Variants in MYO5B observed in about 807,000 individuals in gnomAD.
The protein encoded by MYO5B is unconventional myosin-Vb.
Under a neutral mutation model 229.3 loss-of-function variants are expected in MYO5B, and 143 were observed. That is an observed-to-expected ratio of 0.62 (90% CI 0.54 to 0.72). The LOEUF (loss-of-function observed/expected upper bound fraction) is 0.72. Among genes scored for constraint, MYO5B ranks in the 30% least tolerant of loss-of-function variants. The pLI is 0.00. For synonymous variants in MYO5B, 918 were observed against 885.2 expected (o/e 1.04, Z -0.66); for missense variants, 2,321 against 2,331.0 (o/e 1.00, Z 0.09).
At chr18:49,841,095 CTA>C (rs1381971531) in intron 35 of MYO5B, among the ~76,000 whole-genome samples, 1 of 152,182 alleles carries the variant, frequency 6.6e-6, no homozygotes, top group African/African-American at 2.4e-5. Context: ...CCCAGGGCCT[CTA>C]TTGATCATGG....
At chr18:50,074,201 G>A (rs1020350907) in intron 1 of MYO5B, among the ~76,000 whole-genome samples, 2 of 152,126 alleles carry the variant, frequency 1.3e-5, no homozygotes, top group African/African-American at 2.4e-5. Context: ...ACCTTGATAC[G>A]CCCATCAGAT....
At chr18:50,046,268 A>G (rs1242483117) in intron 2 of MYO5B, among the ~76,000 whole-genome samples, 2 of 152,182 alleles carry the variant, frequency 1.3e-5, no homozygotes, top group Non-Finnish European at 2.9e-5. Flanking sequence ...AGCTTTTAAG[A>G]AAGATAACCT....
At chr18:49,937,499 C>G in intron 14 of MYO5B, 102 bp from the exon 15 acceptor site, 1 of 1,394,614 alleles carries the variant, frequency 7.2e-7, no homozygotes, top group Non-Finnish European at 9.9e-7. Context: ...ACGGAAAACA[C>G]ACATCCACGC....
rs191104667 is a variant in MYO5B at position 50,184,978 on chromosome 18, G to A, written c.27+9789C>T. On this transcript the variant is annotated intron_variant, in intron 1 of 39. Coordinates refer to ENST00000285039, the MANE Select transcript of MYO5B (RefSeq NM_001080467.3). ...TGTTCCCAGCTACTTGGGAGGCTGA[G>A]GTGGGAGGATTGCTTGAGCCTAGGA... Among the ~76,000 whole-genome samples the A allele has an allele frequency of 2.6e-4, 40 of 152,072 alleles. No individual in the cohort carries two copies. The East Asian group carries it at 3.3e-3, about 12-fold the overall frequency.
chr18:49,840,680 G>T (rs959247263), intron 35 of MYO5B, among the ~76,000 whole-genome samples: 17 of 152,194 alleles, frequency 1.1e-4, no homozygotes, highest in African/African-American at 4.1e-4. Context: ...AACTAGAATG[G>T]AAACAAGCCA....
chr18:50,022,878 C>T (rs893376082), intron 4 of MYO5B, among the ~76,000 whole-genome samples: 26 of 152,082 alleles, frequency 1.7e-4, no homozygotes, highest in African/African-American at 6.0e-4. Flanking sequence ...AAGGGAATCC[C>T]CGGACCAGAC....
Position 49,863,298 on chromosome 18 carries a change from C to A in MYO5B, c.3873G>T (p.Trp1291Cys). 1 of 1,613,758 alleles carries A rather than the reference C, an allele frequency of 6.2e-7. No homozygotes were observed. Among genetic ancestry groups the A allele is most frequent in the Non-Finnish European group, 8.5e-7 (1 of 1,180,016 alleles). The change falls in exon 29 of 40, where the codon TGG becomes TGT. Residue 1291 changes from tryptophan to cysteine, a missense_variant. Transcript: ENST00000285039. ...AEPNINARSS[W>C]PNSEKHVDQE... ...GGTCAACATGCTTTTCACTGTTAGGCCAACTTGATCTGGCATTAATGTTCG... is the reference window on the plus strand; with the variant it reads ...GGTCAACATGCTTTTCACTGTTAGGACAACTTGATCTGGCATTAATGTTCG...
intron 1 of MYO5B, among the ~76,000 whole-genome samples, chr18:50,061,688 G>T (rs1432724978): frequency 1.3e-5 from 2 of 152,094 alleles, no homozygotes; most frequent in Non-Finnish European, 2.9e-5. Flanking sequence ...AATCTTTGGG[G>T]GTAGGGCCCA....
chr18:49,963,213 C>A (rs1231448733), intron 10 of MYO5B, among the ~76,000 whole-genome samples, 183 bp from the exon 11 acceptor site: 4 of 151,952 alleles, frequency 2.6e-5, no homozygotes, highest in African/African-American at 9.7e-5. Flanking sequence ...AATTGAAGAA[C>A]ATGTCTATTT....
intron 10 of MYO5B, among the ~76,000 whole-genome samples, chr18:49,966,497 A>AT (rs767310914): frequency 3.3e-5 from 5 of 152,078 alleles, no homozygotes; most frequent in Non-Finnish European, 1.5e-5. Context: ...GCCTTCCCCG[A>AT]TCCTCCACCC....
chr18:49,917,802 C>T (rs962162077), intron 17 of MYO5B, among the ~76,000 whole-genome samples: 3 of 152,190 alleles, frequency 2.0e-5, no homozygotes, highest in African/African-American at 7.2e-5. Context: ...TTCTGGACTT[C>T]AGTGGTGTGC....
chr18:50,029,238 G>A (rs1368981585), intron 4 of MYO5B, among the ~76,000 whole-genome samples: 1 of 152,198 alleles, frequency 6.6e-6, no homozygotes, highest in Non-Finnish European at 1.5e-5. Context: ...GGTGTGCACT[G>A]GCATGGCTGT....
chr18:50,138,220 T>C (rs1047560413), intron 1 of MYO5B, among the ~76,000 whole-genome samples: 8 of 151,680 alleles, frequency 5.3e-5, no homozygotes, highest in African/African-American at 1.9e-4. Flanking sequence ...AAAGAAAAAA[T>C]GGGTATTTCT....
chr18:49,933,951 CT>C (rs1339148397), intron 16 of MYO5B, among the ~76,000 whole-genome samples: 4 of 152,204 alleles, frequency 2.6e-5, no homozygotes, highest in African/African-American at 9.7e-5. Flanking sequence ...TCACAGCTCA[CT>C]GCAGCCTCAA....
intron 31 of MYO5B, among the ~76,000 whole-genome samples, chr18:49,851,729 C>A (rs1445401794): frequency 2.6e-5 from 4 of 152,196 alleles, no homozygotes; most frequent in Non-Finnish European, 5.9e-5. Context: ...CCCTGACTTC[C>A]CTTACACTCC....
At chr18:49,889,234 T>C (rs989865111) in intron 22 of MYO5B, among the ~76,000 whole-genome samples, 3 of 152,212 alleles carry the variant, frequency 2.0e-5, no homozygotes, top group African/African-American at 7.2e-5. Context: ...ACATACAATG[T>C]AGGAAAACAC....
At chr18:50,156,440 G>C (rs1226297899) in intron 1 of MYO5B, among the ~76,000 whole-genome samples, 1 of 152,174 alleles carries the variant, frequency 6.6e-6, no homozygotes. Context: ...AGATCTGATG[G>C]TTTTATAAGA....
At chr18:50,181,562 G>A (rs1790413) in intron 1 of MYO5B, among the ~76,000 whole-genome samples, 41,610 of 152,140 alleles carry the variant, frequency 0.27, 5,801 homozygotes, top group Middle Eastern at 0.32. Flanking sequence ...TCACCATAGG[G>A]AGGACTCAAA....
At chr18:50,084,225 A>G (rs112065390) in intron 1 of MYO5B, among the ~76,000 whole-genome samples, 2 of 152,330 alleles carry the variant, frequency 1.3e-5, no homozygotes, top group African/African-American at 4.8e-5. Flanking sequence ...TCGAGTATTA[A>G]TTTTGACCCA....
Sources: gnomAD v4.1 joint callset for allele counts (sites outside exome capture counted in the v4.1 genomes callset) on GRCh38, gnomAD v4.1.1 for gene constraint, MANE v1.5 for transcripts, NCBI Gene and HGNC (gene_info 2026-07-23, HGNC 2026-07-21) for gene names.